The following ORC3 variants were observed in gnomAD, a reference collection of about 807,000 sequenced individuals.
The protein encoded by ORC3 is homolog of latheo, Drosophila.
ORC3 carries 78 observed loss-of-function variants against 100.7 expected under a neutral mutation model. The ratio of observed to expected loss-of-function variants is 0.77; its 90% CI spans 0.65 to 0.94. The LOEUF is 0.94. Among genes scored for constraint, ORC3 ranks in the 40% least tolerant of loss-of-function variants. ORC3 has a pLI of 0.00. For synonymous variants in ORC3, 295 were observed against 289.3 expected (o/e 1.02, Z -0.20); for missense variants, 789 against 823.9 (o/e 0.96, Z 0.52).
At chr6:87,616,862 A>G (rs1236255264) in intron 9 of ORC3, among the ~76,000 whole-genome samples, 1 of 151,644 alleles carries the variant, frequency 6.6e-6, no homozygotes, top group African/African-American at 2.4e-5. Context: ...GTGCAGTGGC[A>G]TGATCTCAGC....
intron 2 of ORC3, among the ~76,000 whole-genome samples, chr6:87,597,303 T>C (rs1173210588): frequency 2.0e-5 from 3 of 152,194 alleles, no homozygotes; most frequent in Admixed American, 2.0e-4. Context: ...AGGTGAGATA[T>C]GGAATTTTCC....
At chr6:87,618,385 C>T (rs1206192940) in intron 9 of ORC3, among the ~76,000 whole-genome samples, 4 of 149,756 alleles carry the variant, frequency 2.7e-5, no homozygotes, top group Non-Finnish European at 5.9e-5. Context: ...CCACTGCACT[C>T]CAGCCTGGGC....
rs559119146 is a variant in ORC3 at position 87,596,860 on chromosome 6, T to A, written c.79+2453T>A. On this transcript the variant is annotated intron_variant, in intron 2 of 19. Coordinates refer to ENST00000392844, the MANE Select transcript of ORC3 (RefSeq NM_012381.4). ...AACTTTGAAAAGTCTTATTTTAATA[T>A]AATTGTAGATGCACATATAATTACA... Among the ~76,000 whole-genome samples the A allele has an allele frequency of 3.3e-5, 5 of 152,338 alleles. No homozygotes were observed. The East Asian group carries it at 9.7e-4, about 29-fold the overall frequency.
At chr6:87,622,207 C>T (rs1562344471) in intron 11 of ORC3, among the ~76,000 whole-genome samples, 194 bp downstream of exon 11, 1 of 151,930 alleles carries the variant, frequency 6.6e-6, no homozygotes, top group Non-Finnish European at 1.5e-5. Flanking sequence ...AAAGTTGAGG[C>T]TTTTTTTAAT....
At chr6:87,635,455 C>T (rs1231331239) in intron 12 of ORC3, among the ~76,000 whole-genome samples, 1 of 152,150 alleles carries the variant, frequency 6.6e-6, no homozygotes, top group East Asian at 1.9e-4. Flanking sequence ...TTCTATATTC[C>T]TAAATCATCT....
intron 3 of ORC3, among the ~76,000 whole-genome samples, chr6:87,602,462 GA>G (rs201106023): frequency 0.026 from 3,956 of 150,486 alleles, 80 homozygotes; most frequent in Non-Finnish European, 0.038. Flanking sequence ...ATTTTAGGCT[GA>G]CAACTTTTTT....
intron 1 of ORC3, among the ~76,000 whole-genome samples, chr6:87,592,989 A>T (rs9450754): frequency 2.9e-4 from 44 of 152,198 alleles, no homozygotes; most frequent in African/African-American, 1.0e-3. Flanking sequence ...GCTACTCAGG[A>T]GGCTGAGGCA....
intron 8 of ORC3, among the ~76,000 whole-genome samples, chr6:87,615,916 A>G (rs1379379753): frequency 1.3e-5 from 2 of 152,202 alleles, no homozygotes; most frequent in African/African-American, 2.4e-5. Flanking sequence ...AATACATAAT[A>G]TATTACTCTT....
chr6:87,632,475 C>T (rs1480789225), intron 11 of ORC3, among the ~76,000 whole-genome samples: 1 of 152,166 alleles, frequency 6.6e-6, no homozygotes, highest in Non-Finnish European at 1.5e-5. Flanking sequence ...CAGTCTTTTT[C>T]CCCATTGTTG....
chr6:87,676,596 A>AACACACGCACGCGCGCGCACACACACAC, the ORC3 span, among the ~76,000 whole-genome samples: 7 of 142,146 alleles, frequency 4.9e-5, no homozygotes, highest in African/African-American at 1.9e-4. Flanking sequence ...CTCTACTAAA[A>AACACACGCACGCGCGCGCACACACACAC]ACACACACAC....
intron 11 of ORC3, among the ~76,000 whole-genome samples, chr6:87,627,675 A>G (rs1417581338): frequency 2.6e-5 from 4 of 152,142 alleles, no homozygotes; most frequent in Non-Finnish European, 4.4e-5. Context: ...TGTAATATTT[A>G]TAATACTCTT....
At chr6:87,675,411 G>C in the ORC3 span, 1 of 690,876 alleles carries the variant, frequency 1.4e-6, no homozygotes, top group Non-Finnish European at 2.5e-6. Context: ...TCCACATCCA[G>C]GTGGTACTGA....
intron 2 of ORC3, among the ~76,000 whole-genome samples, chr6:87,596,597 A>C (rs150561296): frequency 4.3e-4 from 66 of 152,242 alleles, no homozygotes; most frequent in African/African-American, 1.5e-3. Flanking sequence ...TGGTTATGTA[A>C]GTATATACCT....
chr6:87,594,440 C>T, intron 2 of ORC3, 33 bp downstream of exon 2: 2 of 1,530,162 alleles, frequency 1.3e-6, no homozygotes, highest in Non-Finnish European at 1.8e-6. Flanking sequence ...TTTTTATTCC[C>T]TACCTTCTTA....
intron 11 of ORC3, among the ~76,000 whole-genome samples, chr6:87,634,617 A>G (rs895719716): frequency 6.6e-6 from 1 of 152,256 alleles, no homozygotes; most frequent in African/African-American, 2.4e-5. Flanking sequence ...GGAGATTAAA[A>G]TACAGTATCA....
chr6:87,628,568 T>G (rs1436739565), intron 11 of ORC3, among the ~76,000 whole-genome samples: 1 of 152,232 alleles, frequency 6.6e-6, no homozygotes, highest in Admixed American at 6.5e-5. Flanking sequence ...AGACTTTAAA[T>G]CCTTTTAGAG....
Position 87,610,042 on chromosome 6 carries a change from G to A in ORC3, c.713+813G>A, listed in dbSNP as rs566802610. Among the ~76,000 whole-genome samples, 5 of 152,226 alleles carry A rather than the reference G, an allele frequency of 3.3e-5. No individual in the cohort carries two copies. The East Asian group carries it at 9.6e-4, about 29-fold the overall frequency. ...AAGCAATCATGTGAGACTCAGAATTGAAATAATGAACTCTTATTTTAAAAT... is the reference window on the plus strand; with the variant it reads ...AAGCAATCATGTGAGACTCAGAATTAAAATAATGAACTCTTATTTTAAAAT... On this transcript the variant is annotated intron_variant, in intron 7 of 19. Transcript: ENST00000392844.
At chr6:87,621,626 G>T in intron 10 of ORC3, 139 bp downstream of exon 10, 1 of 694,922 alleles carries the variant, frequency 1.4e-6, no homozygotes, top group Non-Finnish European at 2.2e-6. Flanking sequence ...TCCCTTGTTG[G>T]ATTTGAAAAT....
chr6:87,624,800 C>T (rs748148858), intron 11 of ORC3, among the ~76,000 whole-genome samples: 1 of 152,060 alleles, frequency 6.6e-6, no homozygotes, highest in South Asian at 2.1e-4. Flanking sequence ...CCCATCAACT[C>T]GTCATTTACA....
Sources: allele counts gnomAD v4.1 joint callset (sites outside exome capture counted in the v4.1 genomes callset), GRCh38; gene constraint gnomAD v4.1.1; transcripts MANE v1.5; gene names NCBI Gene and HGNC (gene_info 2026-07-23, HGNC 2026-07-21).